AKAP13: variants seen among roughly 807,000 people sequenced by gnomAD.
AKAP13 encodes the protein A-kinase anchor protein 13.
Under a neutral mutation model 264.5 loss-of-function variants are expected in AKAP13, and 80 were observed. The ratio of observed to expected loss-of-function variants is 0.30; its 90% CI spans 0.25 to 0.36. AKAP13 has a LOEUF of 0.36. AKAP13 is among the 10% of genes least tolerant of loss of function. The pLI, the probability that AKAP13 is intolerant of heterozygous loss-of-function variation, is 1.00. For missense variants in AKAP13, 3,712 were observed against 3,435.2 expected (o/e 1.08, Z -2.01); for synonymous variants, 1,380 against 1,250.2 (o/e 1.10, Z -2.19).
At chr15:85,726,281 C>T in intron 26 of AKAP13, 129 bp from the exon 27 acceptor site, 1 of 624,428 alleles carries the variant, frequency 1.6e-6, no homozygotes, top group Non-Finnish European at 2.8e-6. Flanking sequence ...AGTGTGATCT[C>T]AGATCATAGT....
At chr15:85,639,231 A>AT in intron 8 of AKAP13, 143 bp from the exon 9 acceptor site, 1 of 572,522 alleles carries the variant, frequency 1.7e-6, no homozygotes, top group Non-Finnish European at 3.1e-6. Context: ...TGAAAAAAAA[A>AT]TTTTTTTCCC....
intron 8 of AKAP13, among the ~76,000 whole-genome samples, chr15:85,594,928 C>G (rs2079744466): frequency 6.6e-6 from 1 of 152,076 alleles, no homozygotes; most frequent in South Asian, 2.1e-4. Flanking sequence ...TCTACTTTAT[C>G]CAGAAAAAGT....
chr15:85,529,204 G>A (rs746337996), intron 3 of AKAP13, among the ~76,000 whole-genome samples: 7 of 152,124 alleles, frequency 4.6e-5, no homozygotes, highest in Admixed American at 4.6e-4. Flanking sequence ...GGCGGATTAC[G>A]AGGTCAGGAG....
intron 32 of AKAP13, 127 bp downstream of exon 32, chr15:85,735,757 A>G: frequency 1.0e-6 from 1 of 988,412 alleles, no homozygotes; most frequent in South Asian, 1.6e-5. Flanking sequence ...AATTATTTTC[A>G]GGGAAAATCA....
chr15:85,404,072 T>G lies in AKAP13; in HGVS notation c.-12+23274T>G, dbSNP rs566846652. Among the ~76,000 whole-genome samples the G allele has an allele frequency of 5.9e-5, 9 of 152,244 alleles. No individual in the cohort carries two copies. The South Asian group carries it at 1.9e-3, about 32-fold the overall frequency. Reference sequence around the variant, plus strand: ...GTTAACTTCTGATACCTTCTGGTTGTTGTTACCATAGTATAATCTAGCTTA... The same window carrying G: ...GTTAACTTCTGATACCTTCTGGTTGGTGTTACCATAGTATAATCTAGCTTA... On this transcript the variant is annotated intron_variant, in intron 1 of 36. Transcript: ENST00000394518.
intron 1 of AKAP13, among the ~76,000 whole-genome samples, chr15:85,469,548 T>G (rs1373245400): frequency 6.6e-6 from 1 of 152,206 alleles, no homozygotes; most frequent in African/African-American, 2.4e-5. Context: ...TTGCAGGCCA[T>G]TTCTGGTGGA....
chr15:85,602,985 A>G (rs969405628), intron 8 of AKAP13, among the ~76,000 whole-genome samples: 3 of 152,230 alleles, frequency 2.0e-5, no homozygotes, highest in African/African-American at 7.2e-5. Flanking sequence ...TTAACTGGCA[A>G]ACTCATAGTG....
intron 1 of AKAP13, among the ~76,000 whole-genome samples, chr15:85,445,451 A>G (rs976563862): frequency 6.6e-6 from 1 of 152,230 alleles, no homozygotes; most frequent in African/African-American, 2.4e-5. Flanking sequence ...TCATTGATGC[A>G]TAAATAATTT....
chr15:85,433,901 A>T (rs1034626353), intron 1 of AKAP13, among the ~76,000 whole-genome samples: 1 of 151,896 alleles, frequency 6.6e-6, no homozygotes, highest in African/African-American at 2.4e-5. Flanking sequence ...AGATTGTGCC[A>T]TTGCACTCCA....
chr15:85,531,299 C>G (rs1300918848), intron 3 of AKAP13, among the ~76,000 whole-genome samples: 1 of 152,202 alleles, frequency 6.6e-6, no homozygotes, highest in Non-Finnish European at 1.5e-5. Flanking sequence ...TAGAACTCCT[C>G]TCATTTTGAC....
At chr15:85,729,479 G>A (rs12439827) in intron 29 of AKAP13, among the ~76,000 whole-genome samples, 4,448 of 152,272 alleles carry the variant, frequency 0.029, 192 homozygotes, top group Admixed American at 0.13. Context: ...GGTTTCTCAC[G>A]TGCTGAGAAC....
intron 12 of AKAP13, chr15:85,662,535 T>G (rs1203691603): frequency 6.5e-7 from 1 of 1,535,566 alleles, no homozygotes; most frequent in Admixed American, 1.7e-5. Flanking sequence ...AGCTGGCTTC[T>G]GTGTGGCTGG....
At chr15:85,672,383 A>C (rs11632750) in intron 14 of AKAP13, among the ~76,000 whole-genome samples, 30,562 of 152,224 alleles carry the variant, frequency 0.2, 4,062 homozygotes, top group Middle Eastern at 0.42. Flanking sequence ...CTAGAAACAT[A>C]ATACATCATT....
intron 1 of AKAP13, among the ~76,000 whole-genome samples, chr15:85,436,932 A>G (rs1429917954): frequency 2.0e-5 from 3 of 152,022 alleles, no homozygotes; most frequent in East Asian, 1.9e-4. Flanking sequence ...GAGCAAACAC[A>G]TTCAAAAGCT....
In AKAP13 at chr15:85,581,685, A is replaced by T. The variant is rs2079144184; in HGVS notation, c.3617A>T (p.Asp1206Val). The part of the protein sequence containing the change: ...PTDMELSAHD[D>V]GAPAGVREVM... ...GACATGGAGCTCTCAGCCCATGATG[A>T]TGGGGCCCCAGCTGGTGTGAGGGAA... Residue 1206 changes from aspartate to valine, a missense_variant, in exon 7 of 37, where the codon GAT (aspartate) becomes GTT (valine). This residue lies in a region of AKAP13 where 2,759 missense variants were observed against 2,411.7 expected (regional missense o/e 1.14). Coordinates refer to ENST00000394518, the MANE Select transcript of AKAP13 (RefSeq NM_007200.5). The T allele has an allele frequency of 1.2e-6, 2 of 1,613,984 alleles. No individual in the cohort carries two copies. Among genetic ancestry groups the T allele is most frequent in the Middle Eastern group, 1.6e-4 (1 of 6,084 alleles).
At chr15:85,648,120 ATTCT>A (rs2082642001) in intron 10 of AKAP13, among the ~76,000 whole-genome samples, 1 of 152,234 alleles carries the variant, frequency 6.6e-6, no homozygotes, top group African/African-American at 2.4e-5. Context: ...GGGGAATACC[ATTCT>A]GAAGATATGT....
chr15:85,572,641 C>T (rs576257390), intron 5 of AKAP13, among the ~76,000 whole-genome samples: 14 of 152,056 alleles, frequency 9.2e-5, no homozygotes, highest in Admixed American at 4.6e-4. Context: ...TTGCCTTATA[C>T]GTTTTCCACT....
chr15:85,588,046 A>G (rs2079433064), intron 8 of AKAP13, among the ~76,000 whole-genome samples: 1 of 152,184 alleles, frequency 6.6e-6, no homozygotes, highest in Non-Finnish European at 1.5e-5. Flanking sequence ...CTGAAAATCA[A>G]GTTAGTGAAC....
Position 85,693,586 on chromosome 15 carries a change from G to C in AKAP13, c.5464+135G>C, listed in dbSNP as rs183529716. 1.2e-4 allele frequency: 172 copies of C among 1,414,750 alleles called. No homozygotes were observed. In the East Asian group the frequency reaches 2.4e-3, roughly 20 times the overall value. 87.6% of individuals were successfully genotyped at this position (1,414,750 alleles called of 1,614,324 possible). On this transcript the variant is annotated intron_variant, in intron 17 of 36. Transcript: ENST00000394518. Reference sequence around the variant, plus strand: ...GTAACCCTTTTTATATCTTTCTTTAGACATGATAAAAGAAAGAAATTCTAG... The same window carrying C: ...GTAACCCTTTTTATATCTTTCTTTACACATGATAAAAGAAAGAAATTCTAG...
Sources: gnomAD v4.1 joint callset for allele counts (sites outside exome capture counted in the v4.1 genomes callset) on GRCh38, gnomAD v4.1.1 for gene constraint, gnomAD v4.1.1 regional missense constraint, MANE v1.5 for transcripts, NCBI Gene and HGNC (gene_info 2026-07-23, HGNC 2026-07-21) for gene names.